The following WDR64 variants were observed in gnomAD, a reference collection of about 807,000 sequenced individuals.
The protein encoded by WDR64 is WD repeat-containing protein 64.
In WDR64, 112 loss-of-function variants were observed where a neutral mutation model predicts 139.3. The observed-to-expected ratio is 0.80, with a 90% CI of 0.69 to 0.94. The LOEUF (loss-of-function observed/expected upper bound fraction) is 0.94. WDR64 is among the 40% of genes least tolerant of loss of function. WDR64 has a pLI of 0.00. For missense variants in WDR64, 1,206 were observed against 1,293.1 expected (o/e 0.93, Z 1.03); for synonymous variants, 444 against 437.7 (o/e 1.01, Z -0.18).
chr1:241,792,776 A>T (rs1025879660), intron 25 of WDR64, among the ~76,000 whole-genome samples: 1 of 152,238 alleles, frequency 6.6e-6, no homozygotes, highest in Admixed American at 6.5e-5. Flanking sequence ...TGGCACAATC[A>T]GAACACTAAT....
intron 2 of WDR64, among the ~76,000 whole-genome samples, chr1:241,663,200 C>T (rs1665898015): frequency 6.6e-6 from 1 of 152,170 alleles, no homozygotes. Context: ...AATTGAGAGG[C>T]TTAGTTTGTA....
At chr1:241,686,998 G>C (rs1667027842) in intron 7 of WDR64, among the ~76,000 whole-genome samples, 1 of 152,036 alleles carries the variant, frequency 6.6e-6, no homozygotes, top group Admixed American at 6.6e-5. Flanking sequence ...AAGTATGCTT[G>C]ATTATAAATA....
intron 14 of WDR64, among the ~76,000 whole-genome samples, chr1:241,750,076 C>T (rs1242099642): frequency 1.3e-5 from 2 of 152,214 alleles, no homozygotes; most frequent in African/African-American, 2.4e-5. Flanking sequence ...CCAGCAGGCT[C>T]TGTCCCTTAT....
intron 1 of WDR64, among the ~76,000 whole-genome samples, chr1:241,657,766 G>T (rs192858942): frequency 6.6e-6 from 1 of 151,972 alleles, no homozygotes; most frequent in African/African-American, 2.4e-5. Context: ...TTTTAACTTC[G>T]TTACTGAGCT....
At chr1:241,775,055 T>C (rs556073533) in intron 20 of WDR64, 50 bp from the exon 21 acceptor site, 148 of 1,399,204 alleles carry the variant, frequency 1.1e-4, no homozygotes, top group Admixed American at 1.3e-4. Context: ...TAAGATTTTA[T>C]AAGACTTACT....
At chr1:241,683,178 A>G (rs1037910603) in intron 6 of WDR64, among the ~76,000 whole-genome samples, 1 of 152,142 alleles carries the variant, frequency 6.6e-6, no homozygotes, top group African/African-American at 2.4e-5. Flanking sequence ...TGCTTACTTT[A>G]ATGTTTTCTT....
chr1:241,687,623 C>A, intron 8 of WDR64, 28 bp downstream of exon 8: 1 of 1,581,212 alleles, frequency 6.3e-7, no homozygotes, highest in Non-Finnish European at 8.6e-7. Context: ...TATACATGAA[C>A]AGTCTGTGAA....
chr1:241,690,809 A>G (rs2148124531), intron 8 of WDR64, among the ~76,000 whole-genome samples: 1 of 152,292 alleles, frequency 6.6e-6, no homozygotes, highest in South Asian at 2.1e-4. Flanking sequence ...AAAGAACAGC[A>G]TCAGAGGAAG....
intron 23 of WDR64, among the ~76,000 whole-genome samples, 181 bp from the exon 24 acceptor site, chr1:241,787,665 CAAA>C (rs58063137): frequency 2.6e-5 from 3 of 116,620 alleles, no homozygotes; most frequent in African/African-American, 3.1e-5. Flanking sequence ...AACTCCATCT[CAAA>C]AAAAAAAAAA....
chr1:241,674,390 G>T (rs1426799696), intron 3 of WDR64, among the ~76,000 whole-genome samples: 1 of 150,678 alleles, frequency 6.6e-6, no homozygotes, highest in Non-Finnish European at 1.5e-5. Context: ...CCGAGGAACT[G>T]GGACTATAGG....
chr1:241,783,564 T>C (rs1256359353), intron 23 of WDR64, among the ~76,000 whole-genome samples, 183 bp downstream of exon 23: 6 of 152,238 alleles, frequency 3.9e-5, no homozygotes, highest in African/African-American at 1.2e-4. Flanking sequence ...TTCTCTTTCA[T>C]GACCAAGGAC....
In WDR64 at chr1:241,799,202, C is replaced by CAAAAAAAAAAA. The variant is rs4046210; in HGVS notation, c.3193-1919_3193-1909dup. Reference sequence around the variant, plus strand: ...GAAACACAGTGAGACTTTGTCTCTCCAAAAAAAAAAAAAAAAAAAAATACA... The same window carrying CAAAAAAAAAAA: ...GAAACACAGTGAGACTTTGTCTCTCCAAAAAAAAAAAAAAAAAAAAAAAAAAAAAAAATACA... On this transcript the variant is annotated intron_variant, in intron 27 of 27. Coordinates refer to ENST00000437684, the MANE Select transcript of WDR64 (RefSeq NM_001367482.1). Among the ~76,000 whole-genome samples the CAAAAAAAAAAA allele has an allele frequency of 7.2e-3, 239 of 33,302 alleles. 43 individuals carry two copies. The highest frequency in any genetic ancestry group is 0.032 in the African/African-American group (206 of 6,514). 21.8% of individuals were successfully genotyped at this position (33,302 alleles called of 152,430 possible).
At chr1:241,698,549 T>G (rs66663248) in intron 8 of WDR64, among the ~76,000 whole-genome samples, 11,656 of 152,238 alleles carry the variant, frequency 0.077, 557 homozygotes, top group East Asian at 0.21. Context: ...CCCAGCATAC[T>G]CCTCACCTCA....
At chr1:241,661,293 T>C (rs1182182365) in intron 2 of WDR64, among the ~76,000 whole-genome samples, 1 of 151,968 alleles carries the variant, frequency 6.6e-6, no homozygotes, top group African/African-American at 2.4e-5. Context: ...TACATCTCTC[T>C]CAAATATATA....
At chr1:241,770,191 A>G (rs1163579038) in intron 17 of WDR64, among the ~76,000 whole-genome samples, 1 of 152,088 alleles carries the variant, frequency 6.6e-6, no homozygotes, top group African/African-American at 2.4e-5. Flanking sequence ...TCTGCACCAG[A>G]CCTTAAGCCA....
chr1:241,718,635 C>T (rs185213658), intron 9 of WDR64, among the ~76,000 whole-genome samples: 110 of 152,200 alleles, frequency 7.2e-4, no homozygotes, highest in African/African-American at 2.5e-3. Context: ...AACCACAACC[C>T]CTCCAATATC....
intron 8 of WDR64, among the ~76,000 whole-genome samples, chr1:241,690,243 T>C (rs1489743603): frequency 6.6e-6 from 1 of 151,940 alleles, no homozygotes; most frequent in Admixed American, 6.6e-5. Context: ...GAGGCCAAGG[T>C]GGGTGCATCA....
chr1:241,703,017 A>G lies in WDR64; in HGVS notation c.975-8785A>G, dbSNP rs1049080137. Among the ~76,000 whole-genome samples the G allele has an allele frequency of 5.9e-5, 9 of 152,204 alleles. No individual in the cohort carries two copies. ...TTGGGAATGGGCACAATATGGATCA[A>G]TAAGAGGCAGTAATACAGAGTTAGG... On this transcript the variant is annotated intron_variant, in intron 8 of 27. Transcript: ENST00000437684. The surrounding 1 kb of genome is among the most constrained non-coding windows in gnomAD (Gnocchi z 5.9).
At chr1:241,791,202 C>T (rs1659206340) in intron 25 of WDR64, among the ~76,000 whole-genome samples, 1 of 152,174 alleles carries the variant, frequency 6.6e-6, no homozygotes. Flanking sequence ...ATGAGAATCG[C>T]TTGAACCCAG....
Sources: gnomAD v4.1 joint callset for allele counts (sites outside exome capture counted in the v4.1 genomes callset) on GRCh38, gnomAD v4.1.1 for gene constraint, Gnocchi (gnomAD v3.1) non-coding constraint, MANE v1.5 for transcripts, NCBI Gene and HGNC (gene_info 2026-07-23, HGNC 2026-07-21) for gene names.